Variants in CLPSL1 observed in about 807,000 individuals in gnomAD.
The protein encoded by CLPSL1 is colipase like 1.
Under a neutral mutation model 9.3 loss-of-function variants are expected in CLPSL1, and 13 were observed. The ratio of observed to expected loss-of-function variants is 1.40; its 90% CI spans 0.91 to 2.22. The LOEUF (loss-of-function observed/expected upper bound fraction) is 2.22. Ranked by LOEUF, CLPSL1 falls within the 30% of genes most tolerant of loss-of-function variation. The pLI is 0.00. For missense variants in CLPSL1, 164 were observed against 146.6 expected, an observed-to-expected ratio of 1.12 and a Z score of -0.61; for synonymous variants, 58 against 56.9, an observed-to-expected ratio of 1.02 and a Z score of -0.08.
chr6:35,794,003 G>A (rs1223667032), downstream of CLPSL1, among the ~76,000 whole-genome samples: 3 of 152,214 alleles, frequency 2.0e-5, no homozygotes, highest in Non-Finnish European at 4.4e-5. Flanking sequence ...TTTTCTTAAT[G>A]CGAATAATTG....
Position 35,786,982 on chromosome 6 carries a change from G to T in CLPSL1, c.100-16G>T, listed in dbSNP as rs368682816. ...GCGGGCGGTGGAGCCTGGCGGTGCCGTGTCCCTCCCTGCAGGAGCTCAAGG... is the reference window on the plus strand; with the variant it reads ...GCGGGCGGTGGAGCCTGGCGGTGCCTTGTCCCTCCCTGCAGGAGCTCAAGG... On this transcript the variant is annotated splice_polypyrimidine_tract_variant and intron_variant, in intron 1 of 2. Coordinates refer to ENST00000373861, the MANE Select transcript of CLPSL1 (RefSeq NM_001010886.5). 159 of 1,565,880 alleles carry T rather than the reference G, an allele frequency of 1.0e-4. No homozygotes were observed. The African/African-American group carries it at 1.6e-3, about 15-fold the overall frequency.
downstream of CLPSL1, among the ~76,000 whole-genome samples, chr6:35,789,893 C>T (rs1192916596): frequency 6.7e-6 from 1 of 148,506 alleles, no homozygotes; most frequent in Non-Finnish European, 1.5e-5. Context: ...GACCCTGTCT[C>T]AAAAAAAAAA....
chr6:35,793,531 C>T (rs202243829), exon 2 of CLPSL1: 71 of 471,642 alleles, frequency 1.5e-4, no homozygotes, highest in Middle Eastern at 3.2e-4. Flanking sequence ...ACGGTGAGAA[C>T]GTGAAGTCAT....
At position 35,782,807 on chromosome 6, in the gene CLPSL1, G is replaced by A. The variant is rs192998810; in HGVS notation, c.99+1598G>A. ...GTGGAAGTGAGAGTGGGGATGGTGA[G>A]GGGGTACCTGGGGGAGGTCACTGGC... On this transcript the variant is annotated intron_variant, in intron 1 of 2. Coordinates refer to ENST00000373861, the MANE Select transcript of CLPSL1 (RefSeq NM_001010886.5). Among the ~76,000 whole-genome samples, 64 of 152,298 alleles carry A rather than the reference G, an allele frequency of 4.2e-4. 1 individual carries two copies. The highest frequency in any genetic ancestry group is 3.5e-3 in the Admixed American group (54 of 15,288).
chr6:35,785,979 A>G (rs1157855641), intron 1 of CLPSL1, among the ~76,000 whole-genome samples: 2 of 151,268 alleles, frequency 1.3e-5, no homozygotes, highest in Non-Finnish European at 2.9e-5. Context: ...AAGGAAAGAA[A>G]GAGGGTTGGG....
intron 1 of CLPSL1, among the ~76,000 whole-genome samples, chr6:35,782,733 A>C (rs977438334): frequency 1.3e-5 from 2 of 152,064 alleles, no homozygotes; most frequent in Admixed American, 1.3e-4. Flanking sequence ...CTTTTAAAAA[A>C]GACTCCTCTA....
intron 1 of CLPSL1, among the ~76,000 whole-genome samples, chr6:35,784,048 C>CT (rs1025666113): frequency 4.7e-5 from 7 of 150,448 alleles, no homozygotes; most frequent in Admixed American, 2.0e-4. Flanking sequence ...GTGCACCTTG[C>CT]TTTTTTTTTG....
chr6:35,786,645 T>C (rs1768077895), intron 1 of CLPSL1, among the ~76,000 whole-genome samples: 2 of 151,950 alleles, frequency 1.3e-5, no homozygotes, highest in African/African-American at 4.8e-5. Flanking sequence ...TAGGTGACCA[T>C]CAGGCACAGG....
At chr6:35,787,392 C>T (rs1460845203) in intron 2 of CLPSL1, among the ~76,000 whole-genome samples, 3 of 152,266 alleles carry the variant, frequency 2.0e-5, no homozygotes, top group African/African-American at 7.2e-5. Context: ...GGAGTCTTCT[C>T]AGCAAATTCC....
chr6:35,787,976 G>A lies in CLPSL1; in HGVS notation c.332G>A (p.Gly111Glu), dbSNP rs529542464. ...GCCTATGGCCGTTGTCAGAAAATTG[G>A]AAGGCAGAAGTTGGCTAAGAAAATG... is the stretch of plus-strand genomic sequence containing the variant. ...SIAYGRCQKIGRQKLAKKMFF is the reference protein window; with the variant it reads ...SIAYGRCQKIERQKLAKKMFF Residue 111 changes from glycine (G) to glutamate (E), a missense_variant, in exon 3 of 3, where the codon GGA becomes GAA. By Grantham distance (98) the Gly-to-Glu change is moderately conservative. Coordinates refer to ENST00000373861, the MANE Select transcript of CLPSL1 (RefSeq NM_001010886.5). 1 of 1,613,812 alleles carries A rather than the reference G, an allele frequency of 6.2e-7. No individual in the cohort carries two copies. Among genetic ancestry groups the A allele is most frequent in the Non-Finnish European group, 8.5e-7 (1 of 1,179,658 alleles).
At chr6:35,791,156 G>C (rs568234564), downstream of CLPSL1, among the ~76,000 whole-genome samples, 1 of 152,372 alleles carries the variant, frequency 6.6e-6, no homozygotes, top group South Asian at 2.1e-4. Context: ...ACAAGCCATG[G>C]GGATTCCGCT....
chr6:35,785,957 A>AC (rs1768063727), intron 1 of CLPSL1, among the ~76,000 whole-genome samples: 2 of 151,330 alleles, frequency 1.3e-5, no homozygotes, highest in South Asian at 4.2e-4. Context: ...AAAAAAAAAA[A>AC]AAAAAAAAGG....
chr6:35,786,301 C>T (rs1180236619), intron 1 of CLPSL1, among the ~76,000 whole-genome samples: 1 of 152,180 alleles, frequency 6.6e-6, no homozygotes, highest in Non-Finnish European at 1.5e-5. Flanking sequence ...AGTTGCACTA[C>T]CACATTTCAA....
rs773704584 is a variant in CLPSL1, at chr6:35,781,099, G to A, written c.-12G>A. ...CGCTGGACCCTAGAAAAGCCACCAC[G>A]ACCTGTGGGCCATGATGCTACCCCA... On this transcript the variant is annotated 5_prime_UTR_variant, in exon 1 of 3. Transcript: ENST00000373861. The A allele has an allele frequency of 6.8e-6, 11 of 1,613,376 alleles. No homozygotes were observed. In the South Asian group the frequency reaches 1.1e-4, roughly 16 times the overall value.
intron 1 of CLPSL1, among the ~76,000 whole-genome samples, chr6:35,786,093 C>T (rs965931804): frequency 1.3e-5 from 2 of 152,030 alleles, no homozygotes; most frequent in African/African-American, 2.4e-5. Flanking sequence ...GGCGAAACCC[C>T]GTCTCTACTA....
At chr6:35,791,306 G>A (rs1037399788), downstream of CLPSL1, among the ~76,000 whole-genome samples, 4 of 150,770 alleles carry the variant, frequency 2.7e-5, no homozygotes, top group South Asian at 4.2e-4. Context: ...TGAAAATATC[G>A]TAAGTTGAAA....
downstream of CLPSL1, among the ~76,000 whole-genome samples, chr6:35,792,839 C>A (rs1581958375): frequency 6.6e-6 from 1 of 152,270 alleles, no homozygotes; most frequent in Non-Finnish European, 1.5e-5. Context: ...CGTGACTCAG[C>A]CCTGCTCAGG....
At chr6:35,787,164 A>G (rs767925625) in intron 2 of CLPSL1, 44 bp downstream of exon 2, 1 of 1,601,086 alleles carries the variant, frequency 6.2e-7, no homozygotes, top group Non-Finnish European at 8.5e-7. Flanking sequence ...ATCCAGGGGA[A>G]GTGGGAGCCA....
downstream of CLPSL1, chr6:35,788,247 G>A: frequency 1.9e-6 from 1 of 516,774 alleles, no homozygotes; most frequent in Non-Finnish European, 3.5e-6. Flanking sequence ...GGAGGAAGCA[G>A]GAAGGGACAC....
Sources: allele counts gnomAD v4.1 joint callset (sites outside exome capture counted in the v4.1 genomes callset), GRCh38; gene constraint gnomAD v4.1.1; transcripts MANE v1.5; gene names NCBI Gene and HGNC (gene_info 2026-07-23, HGNC 2026-07-21).